The following CHST8 variants were observed in gnomAD, a reference collection of about 807,000 sequenced individuals.
CHST8 encodes carbohydrate sulfotransferase 8.
Under a neutral mutation model 15.0 loss-of-function variants are expected in CHST8, and 10 were observed. The ratio of observed to expected loss-of-function variants is 0.67; its 90% confidence interval spans 0.41 to 1.13. CHST8 has a LOEUF of 1.13. Among genes scored for constraint, CHST8 ranks in the 50% most tolerant of loss-of-function variants. The pLI is 0.00. For synonymous variants in CHST8, 259 were observed against 256.6 expected, an observed-to-expected ratio of 1.01 and a Z score of -0.09; for missense variants, 634 against 608.2, an observed-to-expected ratio of 1.04 and a Z score of -0.45.
At chr19:33,752,825 C>T (rs773941550) in intron 3 of CHST8, among the ~76,000 whole-genome samples, 37 of 152,200 alleles carry the variant, frequency 2.4e-4, no homozygotes, top group Non-Finnish European at 5.1e-4. Flanking sequence ...AGTTGAAATA[C>T]GTTACCATTA....
rs368657947 is a variant in CHST8 at position 33,709,181 on chromosome 19, G to T, written c.130+19790G>T. Among the ~76,000 whole-genome samples, 10 of 152,154 alleles carry T rather than the reference G, an allele frequency of 6.6e-5. No individual in the cohort carries two copies. The East Asian group carries it at 1.2e-3, about 18-fold the overall frequency. The stretch of plus-strand genomic sequence containing the variant: ...CTGCAAATAATGAGATGTTTACATC[G>T]TCATTTCCAGCTCGAATGCCTTTTA... On this transcript the variant is annotated intron_variant, in intron 3 of 4. Transcript: ENST00000650847.
chr19:33,702,399 GT>G (rs1185383380), intron 3 of CHST8, among the ~76,000 whole-genome samples: 2 of 152,226 alleles, frequency 1.3e-5, no homozygotes, highest in African/African-American at 4.8e-5. Flanking sequence ...CTTTTCTGAT[GT>G]TATTCTACCA....
intron 1 of CHST8, among the ~76,000 whole-genome samples, chr19:33,643,911 G>A (rs1351308893): frequency 6.6e-6 from 1 of 152,070 alleles, no homozygotes; most frequent in Non-Finnish European, 1.5e-5. Context: ...AGGATACATT[G>A]ACTCCTTTAC....
chr19:33,743,533 C>T (rs936401507), intron 3 of CHST8, among the ~76,000 whole-genome samples: 3 of 152,036 alleles, frequency 2.0e-5, no homozygotes, highest in African/African-American at 7.2e-5. Context: ...GATCTCCTGA[C>T]CTCGTGATCT....
At chr19:33,697,520 T>G (rs976400581) in intron 3 of CHST8, among the ~76,000 whole-genome samples, 1 of 152,220 alleles carries the variant, frequency 6.6e-6, no homozygotes, top group African/African-American at 2.4e-5. Flanking sequence ...TCTGAGCCAC[T>G]GTGCCCGGCC....
At chr19:33,721,282 T>G (rs932233045) in intron 3 of CHST8, among the ~76,000 whole-genome samples, 1 of 152,098 alleles carries the variant, frequency 6.6e-6, no homozygotes, top group South Asian at 2.1e-4. Flanking sequence ...CTCACATTCC[T>G]CCAGTCCCCA....
At chr19:33,666,468 G>A (rs1431931205) in intron 1 of CHST8, among the ~76,000 whole-genome samples, 3 of 152,176 alleles carry the variant, frequency 2.0e-5, no homozygotes, top group Non-Finnish European at 4.4e-5. Flanking sequence ...ATGGGGTTAC[G>A]CGGAGACCAG....
intron 3 of CHST8, among the ~76,000 whole-genome samples, chr19:33,734,913 G>A (rs1383251803): frequency 6.6e-6 from 1 of 152,186 alleles, no homozygotes; most frequent in African/African-American, 2.4e-5. Flanking sequence ...CCTGACCCCA[G>A]CATCAAGCTG....
chr19:33,649,695 G>C (rs1025849842), intron 1 of CHST8, among the ~76,000 whole-genome samples: 7 of 152,152 alleles, frequency 4.6e-5, no homozygotes, highest in Admixed American at 2.0e-4. Flanking sequence ...ATGTCAAAAG[G>C]ACATGAAGGT....
intron 1 of CHST8, among the ~76,000 whole-genome samples, chr19:33,652,605 A>T (rs1177671654): frequency 6.6e-6 from 1 of 151,428 alleles, no homozygotes; most frequent in East Asian, 1.9e-4. Flanking sequence ...CGAACTTCTG[A>T]CCTCAGGGGA....
chr19:33,653,250 T>C (rs935485044), intron 1 of CHST8, among the ~76,000 whole-genome samples: 1 of 152,214 alleles, frequency 6.6e-6, no homozygotes, highest in African/African-American at 2.4e-5. Context: ...GAGCTGGGTG[T>C]AGAATTCTGG....
intron 2 of CHST8, among the ~76,000 whole-genome samples, chr19:33,672,859 A>G (rs950853655): frequency 6.6e-6 from 1 of 152,198 alleles, no homozygotes; most frequent in Non-Finnish European, 1.5e-5. Context: ...TGAGCCGCCA[A>G]GAAAGAAGAG....
At chr19:33,658,470 T>C (rs1303477147) in intron 1 of CHST8, among the ~76,000 whole-genome samples, 2 of 152,262 alleles carry the variant, frequency 1.3e-5, no homozygotes, top group African/African-American at 4.8e-5. Flanking sequence ...TCCTTTAAAA[T>C]TCAATTTCAG....
intron 3 of CHST8, among the ~76,000 whole-genome samples, chr19:33,758,237 G>C (rs1340678544): frequency 6.6e-6 from 1 of 151,756 alleles, no homozygotes; most frequent in Non-Finnish European, 1.5e-5. Context: ...AGGGGTGGGG[G>C]TGGGCCTGGA....
chr19:33,652,968 C>G (rs1333736155), intron 1 of CHST8, among the ~76,000 whole-genome samples: 1 of 152,124 alleles, frequency 6.6e-6, no homozygotes, highest in Non-Finnish European at 1.5e-5. Flanking sequence ...GATCATACTC[C>G]CATCCTATAT....
chr19:33,645,337 C>T (rs1259970120), intron 1 of CHST8, among the ~76,000 whole-genome samples: 2 of 152,122 alleles, frequency 1.3e-5, no homozygotes, highest in Admixed American at 1.3e-4. Context: ...GGGTTTTGAA[C>T]AGAGAAGTGC....
At chr19:33,678,580 AAAAATTAAACATTT>A (rs1972840676) in intron 2 of CHST8, among the ~76,000 whole-genome samples, 1 of 152,070 alleles carries the variant, frequency 6.6e-6, no homozygotes, top group Admixed American at 6.5e-5. Context: ...CACTTCTACA[AAAAATTAAACATTT>A]AACCAGGCAC....
intron 3 of CHST8, among the ~76,000 whole-genome samples, chr19:33,743,434 T>A (rs1340119762): frequency 1.3e-5 from 2 of 151,558 alleles, no homozygotes; most frequent in African/African-American, 4.9e-5. Flanking sequence ...CCCGAGTAGC[T>A]GGGACTACAG....
chr19:33,713,806 C>T (rs533432545), intron 3 of CHST8, among the ~76,000 whole-genome samples: 24 of 152,268 alleles, frequency 1.6e-4, no homozygotes, highest in East Asian at 1.4e-3. Context: ...AACGGGCACC[C>T]GCCTTGGCCT....
Sources: allele counts gnomAD v4.1 joint callset (sites outside exome capture counted in the v4.1 genomes callset), GRCh38; gene constraint gnomAD v4.1.1; transcripts MANE v1.5; gene names NCBI Gene and HGNC (gene_info 2026-07-23, HGNC 2026-07-21).